The following GPHN variants were observed in gnomAD, a reference collection of about 807,000 sequenced individuals.
GPHN encodes the protein gephyrin.
In GPHN, 17 loss-of-function variants were observed where a neutral mutation model predicts 95.5. The ratio of observed to expected loss-of-function variants is 0.18; its 90% CI spans 0.12 to 0.27. The LOEUF (loss-of-function observed/expected upper bound fraction) is 0.27, where lower values mean the gene tolerates loss of function less well. Ranked by LOEUF, GPHN falls within the 10% of genes least tolerant of loss-of-function variation. The probability of loss-of-function intolerance (pLI) is 1.00; values close to 1 mark genes in which losing one functional copy is unlikely to be tolerated. For missense variants in GPHN, 660 were observed against 978.1 expected, an observed-to-expected ratio of 0.67 and a Z score of 4.34; for synonymous variants, 320 against 322.5, an observed-to-expected ratio of 0.99 and a Z score of 0.08.
the GPHN span, among the ~76,000 whole-genome samples, chr14:67,463,518 A>G: frequency 6.6e-6 from 1 of 151,816 alleles, no homozygotes; most frequent in Non-Finnish European, 1.5e-5. Flanking sequence ...ACGCGCCTGT[A>G]GTCCCAGCTA....
chr14:66,542,194 TGC>T (rs2140074709), intron 1 of GPHN, among the ~76,000 whole-genome samples: 2 of 152,342 alleles, frequency 1.3e-5, no homozygotes, highest in East Asian at 3.9e-4. Flanking sequence ...GAGAGGAAAA[TGC>T]AGAATCATGC....
chr14:67,615,856 G>C, the GPHN span: 5 of 617,890 alleles, frequency 8.1e-6, 1 homozygote, highest in Admixed American at 2.1e-5. Flanking sequence ...TTGGTGATTC[G>C]GCGAAGAAAC....
chr14:67,730,116 A>C, the GPHN span, among the ~76,000 whole-genome samples: 1 of 152,254 alleles, frequency 6.6e-6, no homozygotes, highest in Admixed American at 6.5e-5. Flanking sequence ...CTGAGTGTGT[A>C]ATGTGTATTA....
the GPHN span, chr14:67,651,250 CT>C: frequency 2.6e-6 from 4 of 1,524,066 alleles, no homozygotes; most frequent in Non-Finnish European, 3.5e-6. Context: ...TTCCTCCCTC[CT>C]CCCACAGCCT....
chr14:67,618,329 G>A, the GPHN span, among the ~76,000 whole-genome samples: 2 of 152,044 alleles, frequency 1.3e-5, no homozygotes, highest in Non-Finnish European at 2.9e-5. Context: ...CAAGTATCTG[G>A]TGACCCATAG....
chr14:67,542,032 A>G, the GPHN span: 5 of 1,559,460 alleles, frequency 3.2e-6, no homozygotes, highest in South Asian at 3.6e-5. Flanking sequence ...CTCCACACGC[A>G]GAGGTTTATG....
the GPHN span, chr14:67,385,658 C>CTTTTTTTTTT: frequency 9.3e-6 from 1 of 107,646 alleles, no homozygotes; most frequent in Non-Finnish European, 1.9e-5. Context: ...CCACTTTTTT[C>CTTTTTTTTTT]TTTTTTTTTT....
At chr14:66,802,759 G>T (rs1027881119) in intron 3 of GPHN, among the ~76,000 whole-genome samples, 1 of 152,108 alleles carries the variant, frequency 6.6e-6, no homozygotes, top group Non-Finnish European at 1.5e-5. Flanking sequence ...AGGAGCTAGG[G>T]CCTAGAACGA....
chr14:67,634,112 A>G, the GPHN span, among the ~76,000 whole-genome samples: 1 of 152,186 alleles, frequency 6.6e-6, no homozygotes, highest in Admixed American at 6.5e-5. Flanking sequence ...GGAAAAAAGG[A>G]AGCAAAGCAT....
At chr14:67,474,448 T>A in the GPHN span, among the ~76,000 whole-genome samples, 16 of 152,332 alleles carry the variant, frequency 1.1e-4, no homozygotes, top group Admixed American at 2.6e-4. Context: ...GACTACTTGC[T>A]GATTTCTCAG....
the GPHN span, chr14:67,302,419 G>A: frequency 1.3e-6 from 2 of 1,588,154 alleles, no homozygotes; most frequent in Non-Finnish European, 1.7e-6. Flanking sequence ...GGGTGCTACA[G>A]TTCGTAATGA....
intron 3 of GPHN, among the ~76,000 whole-genome samples, chr14:66,798,753 CA>C (rs968236663): frequency 3.3e-5 from 5 of 150,000 alleles, no homozygotes; most frequent in Admixed American, 6.6e-5. Context: ...TTTAATTTTT[CA>C]AAAAAAACTT....
intron 9 of GPHN, among the ~76,000 whole-genome samples, chr14:67,020,535 G>T (rs547809008): frequency 1.3e-5 from 2 of 152,002 alleles, no homozygotes; most frequent in African/African-American, 2.4e-5. Flanking sequence ...CCTAATGGAC[G>T]ATGTGATCTT....
At chr14:66,848,178 C>T (rs962479831) in intron 4 of GPHN, among the ~76,000 whole-genome samples, 3 of 151,928 alleles carry the variant, frequency 2.0e-5, no homozygotes, top group Non-Finnish European at 4.4e-5. Context: ...GTGTTTTTTA[C>T]TTATATCAGC....
chr14:66,976,307 G>A (rs1042427278), intron 9 of GPHN, among the ~76,000 whole-genome samples: 1 of 152,092 alleles, frequency 6.6e-6, no homozygotes, highest in Admixed American at 6.5e-5. Context: ...AAGAATACTA[G>A]CATTCAGTAT....
At chr14:66,769,914 C>T (rs953492987) in intron 2 of GPHN, among the ~76,000 whole-genome samples, 5 of 152,136 alleles carry the variant, frequency 3.3e-5, no homozygotes, top group Admixed American at 6.5e-5. Context: ...CGGTGCTTTC[C>T]GCAATGCTTG....
At position 66,701,253 on chromosome 14, in the gene GPHN, TTC is replaced by T. The variant is rs748060105; in HGVS notation, c.143+20072_143+20073del. Among the ~76,000 whole-genome samples, 155 of 131,056 alleles carry T rather than the reference TTC, an allele frequency of 1.2e-3. 2 individuals are homozygous for T. The highest frequency in any genetic ancestry group is 3.6e-3 in the Middle Eastern group (1 of 274). 86.0% of individuals were successfully genotyped at this position (131,056 alleles called of 152,430 possible). A position where few individuals can be genotyped will look rare whatever the true frequency, so the allele number is the denominator to read the frequency against. ...CAAAAATGTATACTGTTGTGCATAT[TTC>T]TCTTTTTTTTACAATATCTCAAATA... On this transcript the variant is annotated intron_variant, in intron 2 of 22. Transcript: ENST00000478722.
chr14:66,776,586 G>A, intron 3 of GPHN, 65 bp downstream of exon 3: 1 of 914,338 alleles, frequency 1.1e-6, no homozygotes. Flanking sequence ...GGGAAGAGTT[G>A]CTTTTTCTTT....
At chr14:67,602,078 C>T in the GPHN span, among the ~76,000 whole-genome samples, 2 of 152,028 alleles carry the variant, frequency 1.3e-5, no homozygotes, top group South Asian at 2.1e-4. Context: ...TTTATTAGTC[C>T]GTTTTCACAC....
Sources: allele counts gnomAD v4.1 joint callset (sites outside exome capture counted in the v4.1 genomes callset), GRCh38; gene constraint gnomAD v4.1.1; transcripts MANE v1.5; gene names NCBI Gene and HGNC (gene_info 2026-07-23, HGNC 2026-07-21).